NEB: variants seen among roughly 807,000 people sequenced by gnomAD.
The protein encoded by NEB is nebulin, also known as nemaline myopathy type 2.
Under a neutral mutation model 952.2 loss-of-function variants are expected in NEB, and 512 were observed. That is an observed-to-expected ratio of 0.54 (90% CI 0.50 to 0.58). NEB has a LOEUF of 0.58. NEB is among the 20% of genes least tolerant of loss of function. The probability of loss-of-function intolerance (pLI) is 0.00; values close to 1 mark genes in which losing one functional copy is unlikely to be tolerated. For missense variants in NEB, 8,428 were observed against 9,231.1 expected (o/e 0.91, Z 3.56); for synonymous variants, 2,900 against 3,149.8 (o/e 0.92, Z 2.66).
At chr2:151,662,689 C>T (rs1166762641) in intron 45 of NEB, among the ~76,000 whole-genome samples, 2 of 152,184 alleles carry the variant, frequency 1.3e-5, no homozygotes, top group African/African-American at 4.8e-5. Flanking sequence ...AGCAACTATG[C>T]TGACCTTTCT....
chr2:151,568,587 C>T, intron 111 of NEB, 31 bp downstream of exon 111: 1 of 1,542,444 alleles, frequency 6.5e-7, no homozygotes, highest in Non-Finnish European at 8.9e-7. Context: ...ATCTGCATCA[C>T]TGTGAGATTT....
At chr2:151,660,492 A>G (rs1195545661) in intron 46 of NEB, among the ~76,000 whole-genome samples, 2 of 152,218 alleles carry the variant, frequency 1.3e-5, no homozygotes, top group Non-Finnish European at 2.9e-5. Flanking sequence ...AAACTCCCTT[A>G]CAGATATTGC....
chr2:151,692,801 C>T (rs1299267963), intron 20 of NEB, among the ~76,000 whole-genome samples: 1 of 152,138 alleles, frequency 6.6e-6, no homozygotes, highest in Non-Finnish European at 1.5e-5. Context: ...AAAACCCCGT[C>T]TCTACTAAAA....
chr2:151,718,688 C>T (rs1264704914), intron 9 of NEB, among the ~76,000 whole-genome samples: 1 of 152,166 alleles, frequency 6.6e-6, no homozygotes, highest in Non-Finnish European at 1.5e-5. Flanking sequence ...GCACCCAGCT[C>T]TCTCAGTCAT....
chr2:151,669,458 G>T (rs769029978), intron 38 of NEB, among the ~76,000 whole-genome samples: 2 of 152,190 alleles, frequency 1.3e-5, no homozygotes, highest in Non-Finnish European at 2.9e-5. Flanking sequence ...TAGAATTTGT[G>T]ATGTGTTGTC....
Position 151,627,107 on chromosome 2 carries a change from C to T in NEB, c.10242G>A (p.Leu3414=), listed in dbSNP as rs775450019. ...VVKCKRAAEI[L]SDNIYRQPPD... ...GAGGCTGGCGGTAGATGTTATCACTCAGTATTTCAGCAGCTCTCTTGCACT... is the reference window on the plus strand; with the variant it reads ...GAGGCTGGCGGTAGATGTTATCACTTAGTATTTCAGCAGCTCTCTTGCACT... The change falls in exon 70 of 182, where the codon CTG becomes CTA. Residue 3414 remains leucine, a synonymous_variant. Coordinates refer to ENST00000397345, the MANE Select transcript of NEB (RefSeq NM_001164508.2). 6.2e-7 allele frequency: 1 copy of T among 1,613,924 alleles called. No homozygotes were observed. The highest frequency in any genetic ancestry group is 1.7e-5 in the Admixed American group (1 of 60,012).
At chr2:151,559,061 C>T (rs1577474232) in intron 124 of NEB, among the ~76,000 whole-genome samples, 1 of 151,994 alleles carries the variant, frequency 6.6e-6, no homozygotes, top group South Asian at 2.1e-4. Context: ...GGCTACTATC[C>T]AGAATCTACA....
intron 11 of NEB, 95 bp from the exon 12 acceptor site, chr2:151,709,858 T>C: frequency 1.1e-6 from 1 of 873,974 alleles, no homozygotes; most frequent in Non-Finnish European, 1.8e-6. Flanking sequence ...AGTTACACAA[T>C]GCCACCCTGT....
In NEB at chr2:151,608,959, A is replaced by C. The variant is rs186148504; in HGVS notation, c.12331-283T>G. ...GTTAAATGTCAACATTTAATGAAAA[A>C]ATTGGCAAAGATTGTATGAGAAGCA... On this transcript the variant is annotated intron_variant, in intron 81 of 181. Transcript: ENST00000397345. Among the ~76,000 whole-genome samples the C allele has an allele frequency of 5.0e-3, 659 of 132,782 alleles. 34 individuals carry two copies. The highest frequency in any genetic ancestry group is 0.016 in the African/African-American group (630 of 40,024). 87.1% of individuals were successfully genotyped at this position (132,782 alleles called of 152,430 possible). A position where few individuals can be genotyped will look rare whatever the true frequency, so the allele number is the denominator to read the frequency against.
At chr2:151,710,905 A>C (rs1285702599) in intron 10 of NEB, among the ~76,000 whole-genome samples, 1 of 152,234 alleles carries the variant, frequency 6.6e-6, no homozygotes, top group East Asian at 1.9e-4. Context: ...ATGCCAAATG[A>C]ACTTAGCCGT....
rs765107380 is a variant in NEB at position 151,545,999 on chromosome 2, C to CT, written c.20467-2dup. 999 of 832,872 alleles carry CT rather than the reference C, an allele frequency of 1.2e-3. No individual in the cohort carries two copies. Among genetic ancestry groups the CT allele is most frequent in the Middle Eastern group, 2.5e-3 (10 of 4,042 alleles). The allele number at this position is 832,872 out of a possible 1,614,324, so 51.6% of individuals were successfully genotyped here. A position where few individuals can be genotyped will look rare whatever the true frequency, so the allele number is the denominator to read the frequency against. On this transcript the variant is annotated splice_acceptor_variant, in intron 134 of 181. Coordinates refer to ENST00000397345, the MANE Select transcript of NEB (RefSeq NM_001164508.2). LOFTEE classifies it high-confidence loss of function. Reference sequence around the variant, plus strand: ...CCTTATCAGTGTATAGGTAATTAGACTTAAAAAAAAAAAAAAAAACAGAAA... The same window carrying CT: ...CCTTATCAGTGTATAGGTAATTAGACTTTAAAAAAAAAAAAAAAAACAGAAA...
Position 151,695,574 on chromosome 2 carries a change from T to G in NEB, c.1674+4A>C. 6.2e-7 allele frequency: 1 copy of G among 1,609,366 alleles called. No individual in the cohort carries two copies. Among genetic ancestry groups the G allele is most frequent in the Non-Finnish European group, 8.5e-7 (1 of 1,175,902 alleles). On this transcript the variant is annotated splice_donor_region_variant and intron_variant, in intron 18 of 181. Transcript: ENST00000397345. ...TCACATGGTACAGGGCATAAGGAAC[T>G]TACATCACTCAAGTTATAGGCATTG...
At chr2:151,551,371 G>C (rs2153645098) in intron 129 of NEB, among the ~76,000 whole-genome samples, 1 of 152,328 alleles carries the variant, frequency 6.6e-6, no homozygotes, top group Middle Eastern at 3.4e-3. Flanking sequence ...ATGCAGGTGG[G>C]ATCCAGGTTC....
At chr2:151,716,895 C>A (rs979199276) in intron 10 of NEB, among the ~76,000 whole-genome samples, 8 of 152,228 alleles carry the variant, frequency 5.3e-5, no homozygotes, top group African/African-American at 1.9e-4. Flanking sequence ...CTCATCAGAG[C>A]CACATTCCTC....
intron 51 of NEB, 58 bp from the exon 52 acceptor site, chr2:151,654,157 T>C: frequency 9.1e-7 from 1 of 1,093,620 alleles, no homozygotes; most frequent in South Asian, 1.9e-5. Flanking sequence ...TATCAATAGA[T>C]TATTAGGGAA....
rs1270007103 is a variant in NEB, at chr2:151,492,510, C to G, written c.24766-16G>C. On this transcript the variant is annotated splice_polypyrimidine_tract_variant and intron_variant, in intron 176 of 181. Transcript: ENST00000397345. ...AATAAAGAACCTGATGCAGGAGAGACCGTGAATGAGTGGTGCTGTCCTAAA... is the reference window on the plus strand; with the variant it reads ...AATAAAGAACCTGATGCAGGAGAGAGCGTGAATGAGTGGTGCTGTCCTAAA... The G allele has an allele frequency of 2.6e-6, 4 of 1,567,514 alleles. No homozygotes were observed. Among genetic ancestry groups the G allele is most frequent in the East Asian group, 2.2e-5 (1 of 44,650 alleles).
Position 151,642,803 on chromosome 2 carries a change from C to T in NEB, c.8227G>A (p.Val2743Ile), listed in dbSNP as rs1275503543. The stretch of plus-strand genomic sequence containing the variant: ...ACTTTGTTTTGTTTAGCTAATAAAA[C>T]TTCAGGGGTATCTGGCATAATGTGG... Reference protein sequence around the residue: ...TVHIMPDTPEVLLAKQNKVNY... With the variant: ...TVHIMPDTPEILLAKQNKVNY... Residue 2743 changes from valine to isoleucine, a missense_variant, in exon 59 of 182, where the codon GTT (valine) becomes ATT (isoleucine). Transcript: ENST00000397345. The T allele has an allele frequency of 1.9e-6, 3 of 1,612,998 alleles. No individual in the cohort carries two copies. In the South Asian group the frequency reaches 3.3e-5, roughly 18 times the overall value.
chr2:151,690,608 GA>G, intron 24 of NEB, 118 bp downstream of exon 24: 3 of 789,382 alleles, frequency 3.8e-6, no homozygotes, highest in Non-Finnish European at 2.1e-6. Context: ...AACAAATCTT[GA>G]AAAATAATAA....
At chr2:151,558,463 G>T (rs2095810135) in intron 124 of NEB, among the ~76,000 whole-genome samples, 1 of 152,092 alleles carries the variant, frequency 6.6e-6, no homozygotes, top group African/African-American at 2.4e-5. Flanking sequence ...TAGATTCAAT[G>T]CTATCCCCAT....
Sources: allele counts gnomAD v4.1 joint callset (sites outside exome capture counted in the v4.1 genomes callset), GRCh38; gene constraint gnomAD v4.1.1; transcripts MANE v1.5; gene names NCBI Gene and HGNC (gene_info 2026-07-23, HGNC 2026-07-21).